SOBP: variants seen among roughly 807,000 people sequenced by gnomAD.
The protein encoded by SOBP is sine oculis-binding protein homolog.
A neutral mutation model predicts 53.6 loss-of-function variants in SOBP; 4 were observed. The observed-to-expected ratio is 0.07, with a 90% CI of 0.04 to 0.17. The LOEUF (loss-of-function observed/expected upper bound fraction) is 0.17, where lower values mean the gene tolerates loss of function less well. Among genes scored for constraint, SOBP ranks in the 10% least tolerant of loss-of-function variants. The pLI is 1.00. For missense variants in SOBP, 1,088 were observed against 1,204.7 expected, an observed-to-expected ratio of 0.90 and a Z score of 1.43; for synonymous variants, 584 against 522.6, an observed-to-expected ratio of 1.12 and a Z score of -1.60.
chr6:107,602,411 G>C (rs1233355219), intron 5 of SOBP, among the ~76,000 whole-genome samples: 1 of 152,078 alleles, frequency 6.6e-6, no homozygotes, highest in Non-Finnish European at 1.5e-5. Context: ...TTGCTTCTCA[G>C]CTTCCTTCAA....
intron 3 of SOBP, chr6:107,511,254 A>G (rs980260027): frequency 1.2e-4 from 19 of 152,188 alleles, no homozygotes; most frequent in Admixed American, 1.0e-3. Flanking sequence ...AGATTGTATC[A>G]GAATAATAAT....
chr6:107,596,995 G>T (rs1476212131), intron 5 of SOBP, among the ~76,000 whole-genome samples: 2 of 152,178 alleles, frequency 1.3e-5, no homozygotes, highest in Non-Finnish European at 2.9e-5. Context: ...GTACTCTGCT[G>T]TTTTTTGGTG....
rs1188191137 is a variant in SOBP at position 107,660,536 on chromosome 6, C to T, written c.*2333C>T. 6.6e-6 allele frequency among the ~76,000 whole-genome samples: 1 copy of T among 152,136 alleles called. No homozygotes were observed. The highest frequency in any genetic ancestry group is 2.4e-5 in the African/African-American group (1 of 41,414). ...TTCAAGAAGCACCATCAAATGGAGG[C>T]AAACATGCTCCACGGGTTCCACTCA... is the stretch of plus-strand genomic sequence containing the variant. On this transcript the variant is annotated 3_prime_UTR_variant, in exon 7 of 7. Coordinates refer to ENST00000317357, the MANE Select transcript of SOBP (RefSeq NM_018013.4).
chr6:107,521,101 C>A (rs1783472948), intron 3 of SOBP, among the ~76,000 whole-genome samples: 1 of 148,314 alleles, frequency 6.7e-6, no homozygotes, highest in Non-Finnish European at 1.5e-5. Flanking sequence ...CCCGATATTA[C>A]CAAATGTCCC....
chr6:107,574,216 T>A (rs1269862341), intron 4 of SOBP, among the ~76,000 whole-genome samples: 1 of 152,236 alleles, frequency 6.6e-6, no homozygotes, highest in East Asian at 1.9e-4. Context: ...ATTTCTTTGT[T>A]ATACTAGGAT....
Position 107,610,631 on chromosome 6 carries a change from G to C in SOBP, c.670-22883G>C, listed in dbSNP as rs142148976. On this transcript the variant is annotated intron_variant, in intron 5 of 6. Transcript: ENST00000317357. ...TCAAGTGATTCTAATGTGTTTTAAA[G>C]CTCTTGAGCATTTCAAAGCATTCAG... Among the ~76,000 whole-genome samples, 741 of 152,350 alleles carry C rather than the reference G, an allele frequency of 4.9e-3. 4 individuals are homozygous for C. Among genetic ancestry groups the C allele is most frequent in the South Asian group, 0.011 (54 of 4,820 alleles).
chr6:107,566,107 AAATCTAC>A (rs1203468861), intron 4 of SOBP, among the ~76,000 whole-genome samples: 7 of 152,254 alleles, frequency 4.6e-5, no homozygotes, highest in Non-Finnish European at 1.0e-4. Flanking sequence ...ATCAAAAATA[AAATCTAC>A]TCTGACTTCA....
At position 107,652,198 on chromosome 6, in the gene SOBP, A is replaced by T. The variant is rs569217110; in HGVS notation, c.*4-6009A>T. On this transcript the variant is annotated intron_variant, in intron 6 of 6. Coordinates refer to ENST00000317357, the MANE Select transcript of SOBP (RefSeq NM_018013.4). ...CCTCTAACAGATTTGGGCAAAGTAC[A>T]TTGAAAATCTTCTGGAAAGGATTCA... Among the ~76,000 whole-genome samples, 5 of 152,348 alleles carry T rather than the reference A, an allele frequency of 3.3e-5. No homozygotes were observed. The South Asian group carries it at 1.0e-3, about 32-fold the overall frequency.
chr6:107,617,592 C>G (rs1786839673), intron 5 of SOBP, among the ~76,000 whole-genome samples: 1 of 152,148 alleles, frequency 6.6e-6, no homozygotes, highest in Non-Finnish European at 1.5e-5. Context: ...AAAAGTAATA[C>G]AGAAGAATGA....
intron 3 of SOBP, among the ~76,000 whole-genome samples, chr6:107,509,056 G>A (rs1464209109): frequency 6.6e-6 from 1 of 152,150 alleles, no homozygotes; most frequent in African/African-American, 2.4e-5. Flanking sequence ...GTAAAATGGG[G>A]ATCCCAGCCC....
rs750131195 is a variant in SOBP, at chr6:107,635,485, G to A, written c.*3+16G>A. 3 of 1,611,488 alleles carry A rather than the reference G, an allele frequency of 1.9e-6. No homozygotes were observed. The Admixed American group carries it at 5.0e-5, about 27-fold the overall frequency. On this transcript the variant is annotated intron_variant, in intron 6 of 6. Transcript: ENST00000317357. This position sits in a 1 kb window ranked among gnomAD's most constrained non-coding sequence, Gnocchi z 4.5. ...TAAGTAAAAGGTTTGTATGTCCGCC[G>A]GGCGCTCCTCCACACCAGCCAGTGC...
chr6:107,573,404 C>G (rs1405981593), intron 4 of SOBP, among the ~76,000 whole-genome samples: 2 of 151,404 alleles, frequency 1.3e-5, no homozygotes, highest in African/African-American at 4.9e-5. Flanking sequence ...ATTTAAGTAA[C>G]TGTCATATAT....
intron 5 of SOBP, among the ~76,000 whole-genome samples, chr6:107,629,721 C>T (rs1034387316): frequency 1.3e-5 from 2 of 152,184 alleles, no homozygotes; most frequent in African/African-American, 4.8e-5. Context: ...ACATTTATTT[C>T]ACAGGAAAGG....
At chr6:107,548,567 C>T (rs1001552137) in intron 4 of SOBP, among the ~76,000 whole-genome samples, 2 of 152,064 alleles carry the variant, frequency 1.3e-5, no homozygotes, top group African/African-American at 4.8e-5. Context: ...TTTCAACGTT[C>T]TTTATCATGA....
At chr6:107,596,106 C>G (rs1785937528) in intron 5 of SOBP, among the ~76,000 whole-genome samples, 1 of 152,160 alleles carries the variant, frequency 6.6e-6, no homozygotes, top group Non-Finnish European at 1.5e-5. Context: ...CTTTGTGTGT[C>G]AAGAGCCTTG....
At chr6:107,647,267 A>T (rs1583309164) in intron 6 of SOBP, among the ~76,000 whole-genome samples, 1 of 152,224 alleles carries the variant, frequency 6.6e-6, no homozygotes, top group South Asian at 2.1e-4. Flanking sequence ...TTGCAGATGA[A>T]GAGACTGAGG....
chr6:107,598,613 G>C (rs917522131), intron 5 of SOBP, among the ~76,000 whole-genome samples: 2 of 152,154 alleles, frequency 1.3e-5, no homozygotes, highest in Non-Finnish European at 2.9e-5. Context: ...TTGGCTATAG[G>C]AATCTCTGTT....
At chr6:107,563,788 C>T (rs1199504546) in intron 4 of SOBP, among the ~76,000 whole-genome samples, 2 of 152,130 alleles carry the variant, frequency 1.3e-5, no homozygotes, top group African/African-American at 4.8e-5. Flanking sequence ...GGGGATGCAG[C>T]CTCATAGCCA....
At chr6:107,538,068 T>C (rs1784053945) in intron 4 of SOBP, among the ~76,000 whole-genome samples, 1 of 152,232 alleles carries the variant, frequency 6.6e-6, no homozygotes, top group Admixed American at 6.5e-5. Flanking sequence ...TCTTTTACTT[T>C]CAGACTATAT....
Sources: allele counts gnomAD v4.1 joint callset (sites outside exome capture counted in the v4.1 genomes callset), GRCh38; gene constraint gnomAD v4.1.1; non-coding constraint Gnocchi (gnomAD v3.1); transcripts MANE v1.5; gene names NCBI Gene and HGNC (gene_info 2026-07-23, HGNC 2026-07-21).